The following DUS2 variants were observed in gnomAD, a reference collection of about 807,000 sequenced individuals.
DUS2 encodes the protein tRNA-dihydrouridine(20) synthase [NAD(P)+]-like.
A neutral mutation model predicts 71.3 loss-of-function variants in DUS2; 52 were observed. The observed-to-expected ratio is 0.73, with a 90% CI of 0.58 to 0.92. DUS2 has a LOEUF of 0.92. DUS2 is among the 40% of genes least tolerant of loss of function. DUS2 has a pLI of 0.00. For missense variants in DUS2, 558 were observed against 622.6 expected (o/e 0.90, Z 1.10); for synonymous variants, 204 against 227.8 (o/e 0.90, Z 0.94).
chr16:68,043,003 C>T (rs572614004), intron 3 of DUS2, among the ~76,000 whole-genome samples: 6 of 152,242 alleles, frequency 3.9e-5, no homozygotes, highest in African/African-American at 9.6e-5. Flanking sequence ...CCACCATGCC[C>T]AGCCACATCT....
In DUS2 at chr16:68,079,021, C is replaced by G; in HGVS notation, c.*35C>G. 1 of 1,507,034 alleles carries G rather than the reference C, an allele frequency of 6.6e-7. No homozygotes were observed. Among genetic ancestry groups the G allele is most frequent in the Non-Finnish European group, 8.9e-7 (1 of 1,120,224 alleles). The allele number at this position is 1,507,034 out of a possible 1,614,324, so 93.4% of individuals were successfully genotyped here. On this transcript the variant is annotated 3_prime_UTR_variant, in exon 17 of 17. Coordinates refer to ENST00000565263, the MANE Select transcript of DUS2 (RefSeq NM_017803.5). Reference sequence around the variant, plus strand: ...CTGCCTTAGTCACCCCTCCATGGGCCTGGTGCTAAGGTGGCTGTGGATGCC... The same window carrying G: ...CTGCCTTAGTCACCCCTCCATGGGCGTGGTGCTAAGGTGGCTGTGGATGCC...
intron 4 of DUS2, among the ~76,000 whole-genome samples, chr16:68,052,483 T>C (rs1317497457): frequency 6.6e-6 from 1 of 152,212 alleles, no homozygotes; most frequent in Non-Finnish European, 1.5e-5. Flanking sequence ...TTTGCAAATA[T>C]GCAACTATGA....
At chr16:68,060,835 G>A (rs1305262202) in intron 7 of DUS2, among the ~76,000 whole-genome samples, 6 of 151,800 alleles carry the variant, frequency 4.0e-5, no homozygotes, top group African/African-American at 1.2e-4. Flanking sequence ...GTGACAGAGC[G>A]AGAATCTGTC....
At chr16:68,041,160 A>G (rs779812185) in intron 3 of DUS2, among the ~76,000 whole-genome samples, 1 of 152,070 alleles carries the variant, frequency 6.6e-6, no homozygotes, top group Non-Finnish European at 1.5e-5. Flanking sequence ...TGGGAGGCAG[A>G]GGTTGTAGTG....
At position 68,053,573 on chromosome 16, in the gene DUS2, G is replaced by T; in HGVS notation, c.182G>T (p.Ser61Ile). 1.2e-6 allele frequency: 2 copies of T among 1,614,230 alleles called. No homozygotes were observed. The highest frequency in any genetic ancestry group is 1.7e-6 in the Non-Finnish European group (2 of 1,180,034). Residue 61 changes from serine (S) to isoleucine (I), a missense_variant, in exon 5 of 17, where the codon AGC becomes ATC. By Grantham distance (142) the Ser-to-Ile change is moderately radical (BLOSUM62 -2). Coordinates refer to ENST00000565263, the MANE Select transcript of DUS2 (RefSeq NM_017803.5). The stretch of plus-strand genomic sequence containing the variant: ...TTGGGTTTTCTTGCAGAGGTGCTCA[G>T]CACAGTGGACTTTGTCGCCCCTGAT... ...QCKRVVNEVL[S>I]TVDFVAPDDR...
At chr16:68,069,632 C>A (rs957755419) in intron 10 of DUS2, among the ~76,000 whole-genome samples, 4 of 152,150 alleles carry the variant, frequency 2.6e-5, no homozygotes, top group Non-Finnish European at 4.4e-5. Context: ...TTCCTGGGTG[C>A]GGGGCCTACC....
chr16:68,066,190 T>C, intron 8 of DUS2, 127 bp from the exon 9 acceptor site: 1 of 832,918 alleles, frequency 1.2e-6, no homozygotes, highest in Non-Finnish European at 2.1e-6. Context: ...GACACACACA[T>C]GCATTCACAC....
intron 3 of DUS2, among the ~76,000 whole-genome samples, chr16:68,047,441 T>C (rs57297875): frequency 0.013 from 1,994 of 152,234 alleles, 42 homozygotes; most frequent in African/African-American, 0.045. Context: ...TGTTAATATT[T>C]TCAAATAACA....
intron 10 of DUS2, among the ~76,000 whole-genome samples, chr16:68,067,019 TTCCC>T (rs1220080333): frequency 3.7e-5 from 5 of 135,864 alleles, no homozygotes; most frequent in African/African-American, 5.7e-5. Context: ...ATTTATTTCC[TTCCC>T]TCCCTCCCTC....
chr16:68,077,080 C>T (rs1357588767), intron 15 of DUS2, among the ~76,000 whole-genome samples: 1 of 151,986 alleles, frequency 6.6e-6, no homozygotes, highest in Admixed American at 6.6e-5. Context: ...GATGGTGAAA[C>T]CCCGTTTTCC....
At chr16:68,049,627 G>C in intron 4 of DUS2, 77 bp downstream of exon 4, 1 of 1,381,806 alleles carries the variant, frequency 7.2e-7, no homozygotes, top group Non-Finnish European at 1.0e-6. Flanking sequence ...CCTTGCCTGG[G>C]GTGACAGTGT....
chr16:68,070,009 A>G (rs1598317882), intron 10 of DUS2, 125 bp from the exon 11 acceptor site: 3 of 787,152 alleles, frequency 3.8e-6, no homozygotes, highest in East Asian at 2.6e-5. Context: ...CTTGATTGCC[A>G]TATGGCCACC....
In DUS2 at chr16:68,070,187, T is replaced by C. The variant is rs773946512; in HGVS notation, c.608T>C (p.Ile203Thr). The change falls in exon 11 of 17, where the codon ATT becomes ACT. Residue 203 changes from isoleucine to threonine, a missense_variant. Coordinates refer to ENST00000565263, the MANE Select transcript of DUS2 (RefSeq NM_017803.5). Reference sequence around the variant, plus strand: ...GTCAGCTGTGAAGTCATCAAAGCCATTGCTGATACCCTCTCCATTCCTGTC... The same window carrying C: ...GTCAGCTGTGAAGTCATCAAAGCCACTGCTGATACCCTCTCCATTCCTGTC... ...HPVSCEVIKA[I>T]ADTLSIPVIA... The C allele has an allele frequency of 6.2e-7, 1 of 1,614,036 alleles. No homozygotes were observed. The highest frequency in any genetic ancestry group is 8.5e-7 in the Non-Finnish European group (1 of 1,180,012).
chr16:68,071,142 C>G (rs757119172), intron 12 of DUS2, 34 bp downstream of exon 12: 11 of 1,610,764 alleles, frequency 6.8e-6, no homozygotes, highest in Non-Finnish European at 9.3e-6. Flanking sequence ...ACAAGCATTT[C>G]TCACTGTCTA....
intron 3 of DUS2, among the ~76,000 whole-genome samples, chr16:68,048,883 C>T (rs2033740396): frequency 6.6e-6 from 1 of 152,100 alleles, no homozygotes; most frequent in Non-Finnish European, 1.5e-5. Flanking sequence ...CTCAGTCCTC[C>T]AGCACATAGG....
intron 2 of DUS2, among the ~76,000 whole-genome samples, chr16:68,028,336 A>G (rs2033385880): frequency 6.6e-6 from 1 of 152,082 alleles, no homozygotes; most frequent in African/African-American, 2.4e-5. Flanking sequence ...ATATAACAAC[A>G]TAATAATAGA....
At chr16:68,056,502 C>A in intron 7 of DUS2, 78 bp downstream of exon 7, 1 of 1,198,804 alleles carries the variant, frequency 8.3e-7, no homozygotes, top group South Asian at 1.2e-5. Context: ...AAGTATAGTA[C>A]CTAACTCTGG....
Position 68,070,920 on chromosome 16 carries a change from AC to A in DUS2, c.642-17del, listed in dbSNP as rs2034075292. On this transcript the variant is annotated intron_variant, in intron 11 of 16. Coordinates refer to ENST00000565263, the MANE Select transcript of DUS2 (RefSeq NM_017803.5). ...AGGTTCCGTGATGGGGACACCCCTA[AC>A]CCTCTGGTTGCTTTTTAGCGGAGGA... is the stretch of plus-strand genomic sequence containing the variant. The A allele has an allele frequency of 6.2e-7, 1 of 1,613,324 alleles. No individual in the cohort carries two copies. Among genetic ancestry groups the A allele is most frequent in the Non-Finnish European group, 8.5e-7 (1 of 1,179,316 alleles).
intron 1 of DUS2, chr16:68,023,552 A>G (rs1483860752): frequency 6.8e-6 from 2 of 292,712 alleles, no homozygotes; most frequent in Non-Finnish European, 1.4e-5. Flanking sequence ...TTGCCCTGAG[A>G]TAGCTTGTCC....
Sources: allele counts gnomAD v4.1 joint callset (sites outside exome capture counted in the v4.1 genomes callset), GRCh38; gene constraint gnomAD v4.1.1; transcripts MANE v1.5; gene names NCBI Gene and HGNC (gene_info 2026-07-23, HGNC 2026-07-21).